RBM26: variants seen among roughly 807,000 people sequenced by gnomAD.
RBM26 encodes RNA binding motif protein 26, also known as RNA-binding protein 26.
In RBM26, 30 loss-of-function variants were observed where a neutral mutation model predicts 123.6. The ratio of observed to expected loss-of-function variants is 0.24; its 90% CI spans 0.18 to 0.33. The LOEUF (loss-of-function observed/expected upper bound fraction) is 0.33, where lower values mean the gene tolerates loss of function less well. Among genes scored for constraint, RBM26 ranks in the 10% least tolerant of loss-of-function variants. The pLI is 1.00. For synonymous variants in RBM26, 400 were observed against 404.4 expected, an observed-to-expected ratio of 0.99 and a Z score of 0.13; for missense variants, 947 against 1,203.6, an observed-to-expected ratio of 0.79 and a Z score of 3.15.
intron 1 of RBM26, among the ~76,000 whole-genome samples, chr13:79,397,866 T>TA (rs2078729749): frequency 6.6e-6 from 1 of 151,890 alleles, no homozygotes; most frequent in African/African-American, 2.4e-5. Flanking sequence ...ATACTAACAA[T>TA]AAAAATCAGA....
chr13:79,379,102 T>G (rs1230370497), intron 1 of RBM26, among the ~76,000 whole-genome samples, 195 bp from the exon 2 acceptor site: 1 of 152,180 alleles, frequency 6.6e-6, no homozygotes, highest in Non-Finnish European at 1.5e-5. Flanking sequence ...AGCCATTTTA[T>G]TTCTTAAAAA....
chr13:79,319,915 CTTT>C lies in RBM26; in HGVS notation c.*703_*705del. The C allele has an allele frequency of 6.5e-6, 3 of 461,672 alleles. No homozygotes were observed. The highest frequency in any genetic ancestry group is 7.3e-6 in the Non-Finnish European group (3 of 411,084). The allele number at this position is 461,672 out of a possible 1,614,324, so 28.6% of individuals were successfully genotyped here. On this transcript the variant is annotated 3_prime_UTR_variant, in exon 22 of 22. Coordinates refer to ENST00000438737, the MANE Select transcript of RBM26 (RefSeq NM_001366735.2). ...ATTTTTTTCTTTTCTTTTTTCTTTTCTTTTTTTTTTTAAATCAAGGAACATTGT... is the reference window on the plus strand; with the variant it reads ...ATTTTTTTCTTTTCTTTTTTCTTTTCTTTTTTTTAAATCAAGGAACATTGT...
intron 1 of RBM26, among the ~76,000 whole-genome samples, chr13:79,390,646 G>A (rs1052560233): frequency 1.3e-5 from 2 of 152,134 alleles, no homozygotes; most frequent in African/African-American, 4.8e-5. Flanking sequence ...TGCTTTAGGG[G>A]TAAGTGCACT....
intron 1 of RBM26, 146 bp from the exon 2 acceptor site, chr13:79,379,053 T>G: frequency 1.6e-6 from 1 of 609,508 alleles, no homozygotes; most frequent in Middle Eastern, 3.7e-4. Flanking sequence ...TGAAGAAATT[T>G]AAGTTCTCTT....
Position 79,319,144 on chromosome 13 carries a change from T to C in RBM26, c.*1477A>G, listed in dbSNP as rs2067410169. 4.1e-6 allele frequency: 4 copies of C among 984,376 alleles called. No individual in the cohort carries two copies. The highest frequency in any genetic ancestry group is 1.8e-5 in the African/African-American group (1 of 57,118). The allele number at this position is 984,376 out of a possible 1,614,324, so 61.0% of individuals were successfully genotyped here. A position where few individuals can be genotyped will look rare whatever the true frequency, so the allele number is the denominator to read the frequency against. On this transcript the variant is annotated 3_prime_UTR_variant, in exon 22 of 22. Coordinates refer to ENST00000438737, the MANE Select transcript of RBM26 (RefSeq NM_001366735.2). ...AACTTCAACCCCAATTAGGGGTGTATGGGGAAGAAGAAAAAGAACAGCATC... is the reference window on the plus strand; with the variant it reads ...AACTTCAACCCCAATTAGGGGTGTACGGGGAAGAAGAAAAAGAACAGCATC...
At chr13:79,353,064 T>G in intron 14 of RBM26, 89 bp downstream of exon 14, 1 of 715,846 alleles carries the variant, frequency 1.4e-6, no homozygotes, top group Non-Finnish European at 2.3e-6. Flanking sequence ...GAAGCAAGAG[T>G]TTAGAACTAT....
intron 3 of RBM26, among the ~76,000 whole-genome samples, chr13:79,373,717 C>A (rs577243421): frequency 0.013 from 456 of 34,916 alleles, 14 homozygotes; most frequent in African/African-American, 0.045. Context: ...ATATATATTA[C>A]TATATATAAT....
At chr13:79,336,232 C>G (rs2070372241) in intron 19 of RBM26, among the ~76,000 whole-genome samples, 1 of 152,004 alleles carries the variant, frequency 6.6e-6, no homozygotes, top group Non-Finnish European at 1.5e-5. Flanking sequence ...CTCTATTGTT[C>G]TTTTTTCCAT....
At position 79,344,736 on chromosome 13, in the gene RBM26, G is replaced by A. The variant is rs759252691; in HGVS notation, c.2117C>T (p.Ala706Val). The A allele has an allele frequency of 1.2e-6, 2 of 1,612,980 alleles. No homozygotes were observed. The highest frequency in any genetic ancestry group is 2.2e-5 in the South Asian group (2 of 91,026). The change falls in exon 15 of 22, where the codon GCT becomes GTT. Residue 706 changes from alanine (A) to valine (V), a missense_variant. Ala to Val is a moderately conservative substitution (Grantham distance 64). Around this residue, in one of 5 missense-constraint regions of RBM26, gnomAD observed 493 missense variants for 563.1 expected, o/e 0.88. Transcript: ENST00000438737. ...GGAAACAAGTAAGGTTTTCTGTGCA[G>A]CCTTCAAAGCAGCTGGATTATACAC... Reference protein sequence around the residue: ...KTVYNPAALKAAQKTLLVSTS... With the variant: ...KTVYNPAALKVAQKTLLVSTS...
intron 13 of RBM26, 60 bp downstream of exon 13, chr13:79,354,379 C>T: frequency 3.0e-6 from 4 of 1,326,140 alleles, no homozygotes; most frequent in Non-Finnish European, 4.0e-6. Flanking sequence ...TTCAAATCAC[C>T]AAGGGAAACT....
At chr13:79,328,670 C>T (rs2068801084) in intron 20 of RBM26, among the ~76,000 whole-genome samples, 1 of 135,906 alleles carries the variant, frequency 7.4e-6, no homozygotes, top group South Asian at 2.3e-4. Context: ...ATACAAAGAG[C>T]CCCTGCATTA....
intron 1 of RBM26, among the ~76,000 whole-genome samples, chr13:79,401,601 A>G (rs1465216904): frequency 6.6e-6 from 1 of 152,228 alleles, no homozygotes; most frequent in Non-Finnish European, 1.5e-5. Flanking sequence ...TCACAGCAGG[A>G]GTGTTGGTGA....
At chr13:79,331,622 C>A (rs552090172) in intron 20 of RBM26, among the ~76,000 whole-genome samples, 2 of 150,174 alleles carry the variant, frequency 1.3e-5, no homozygotes, top group Non-Finnish European at 3.0e-5. Flanking sequence ...GGCAACACAG[C>A]GAGACTCCGC....
downstream of RBM26, among the ~76,000 whole-genome samples, chr13:79,315,916 A>G (rs1448473886): frequency 6.6e-6 from 1 of 151,814 alleles, no homozygotes; most frequent in African/African-American, 2.4e-5. Context: ...GCTCTTCCCT[A>G]AAGGCCTGTA....
At chr13:79,367,452 A>AGAGAAATG (rs2075414990) in intron 6 of RBM26, among the ~76,000 whole-genome samples, 1 of 147,960 alleles carries the variant, frequency 6.8e-6, no homozygotes, top group Admixed American at 6.8e-5. Context: ...GAGGCAAAAG[A>AGAGAAATG]GAGAAATGTG....
intron 14 of RBM26, among the ~76,000 whole-genome samples, chr13:79,352,561 G>C (rs1334008905): frequency 6.6e-6 from 1 of 150,572 alleles, no homozygotes; most frequent in Non-Finnish European, 1.5e-5. Flanking sequence ...TAAAAAAAAA[G>C]AAATGACTAT....
intron 3 of RBM26, chr13:79,376,629 T>C (rs1198635721): frequency 6.6e-6 from 1 of 152,220 alleles, no homozygotes; most frequent in Non-Finnish European, 1.5e-5. Context: ...TATGAAGTCA[T>C]ATCCACTGTC....
At chr13:79,325,142 G>A (rs749373007) in intron 20 of RBM26, among the ~76,000 whole-genome samples, 1 of 152,014 alleles carries the variant, frequency 6.6e-6, no homozygotes, top group African/African-American at 2.4e-5. Flanking sequence ...AGTATGGCAC[G>A]CACAATTATG....
At chr13:79,393,564 T>C (rs2078285260) in intron 1 of RBM26, among the ~76,000 whole-genome samples, 1 of 152,196 alleles carries the variant, frequency 6.6e-6, no homozygotes, top group African/African-American at 2.4e-5. Context: ...CATTCCCTAC[T>C]TGTAAGAGAC....
Sources: gnomAD v4.1 joint callset for allele counts (sites outside exome capture counted in the v4.1 genomes callset) on GRCh38, gnomAD v4.1.1 for gene constraint, gnomAD v4.1.1 regional missense constraint, MANE v1.5 for transcripts, NCBI Gene and HGNC (gene_info 2026-07-23, HGNC 2026-07-21) for gene names.